Variants in L3MBTL4 observed in about 807,000 individuals in gnomAD.
The protein encoded by L3MBTL4 is lethal(3)malignant brain tumor-like protein 4.
L3MBTL4 carries 70 observed loss-of-function variants against 84.5 expected under a neutral mutation model. The ratio of observed to expected loss-of-function variants is 0.83; its 90% CI spans 0.68 to 1.01. The LOEUF is 1.01. Among genes scored for constraint, L3MBTL4 ranks in the 50% least tolerant of loss-of-function variants. L3MBTL4 has a pLI of 0.00. For synonymous variants in L3MBTL4, 274 were observed against 259.8 expected, an observed-to-expected ratio of 1.05 and a Z score of -0.52; for missense variants, 715 against 754.8, an observed-to-expected ratio of 0.95 and a Z score of 0.62.
At chr18:6,266,400 A>G (rs370886048) in intron 4 of L3MBTL4, among the ~76,000 whole-genome samples, 12 of 152,238 alleles carry the variant, frequency 7.9e-5, no homozygotes, top group Admixed American at 5.9e-4. Context: ...GAGAATACTC[A>G]TCAGAAAACG....
intron 1 of L3MBTL4, among the ~76,000 whole-genome samples, chr18:6,330,677 C>T (rs1415941164): frequency 2.0e-5 from 3 of 152,194 alleles, no homozygotes; most frequent in Non-Finnish European, 4.4e-5. Context: ...AGCAGGATAT[C>T]GACATCTTTG....
At chr18:6,062,110 A>G (rs1568050950) in intron 16 of L3MBTL4, among the ~76,000 whole-genome samples, 3 of 152,014 alleles carry the variant, frequency 2.0e-5, no homozygotes, top group South Asian at 4.1e-4. Flanking sequence ...TTTCTGACCC[A>G]TATAATTTTC....
intron 17 of L3MBTL4, among the ~76,000 whole-genome samples, chr18:5,964,052 G>A (rs946615454): frequency 6.6e-6 from 1 of 152,206 alleles, no homozygotes; most frequent in African/African-American, 2.4e-5. Flanking sequence ...TGGCATGGGG[G>A]CTGCCATGTG....
chr18:6,241,371 C>G lies in L3MBTL4; in HGVS notation c.539G>C (p.Arg180Thr). The stretch of plus-strand genomic sequence containing the variant: ...GAAAATACTTACAGGACTTCTGTTT[C>G]TGAATAATTTCTTTGGAGCATTTTG... ...KLQNAPKKLF[R>T]NRSPNGPMSK... is the part of the protein sequence containing the mutation. The change falls in exon 8 of 19, where the codon AGA (arginine) becomes ACA (threonine). Residue 180 changes from arginine (R) to threonine (T), a missense_variant. Transcript: ENST00000317931. The G allele has an allele frequency of 6.3e-7, 1 of 1,584,714 alleles. No individual in the cohort carries two copies.
At chr18:6,212,729 A>G (rs1340502364) in intron 12 of L3MBTL4, among the ~76,000 whole-genome samples, 4 of 152,266 alleles carry the variant, frequency 2.6e-5, no homozygotes, top group Admixed American at 2.6e-4. Context: ...AAGAACTGAC[A>G]GTAAAAGTCA....
intron 13 of L3MBTL4, among the ~76,000 whole-genome samples, chr18:6,166,121 A>G (rs1226354671): frequency 6.6e-6 from 1 of 151,114 alleles, no homozygotes; most frequent in Non-Finnish European, 1.5e-5. Context: ...TTCAACAAGA[A>G]GAGCTAACTA....
At chr18:6,247,846 A>G (rs886105357) in intron 5 of L3MBTL4, among the ~76,000 whole-genome samples, 1 of 151,654 alleles carries the variant, frequency 6.6e-6, no homozygotes, top group African/African-American at 2.4e-5. Flanking sequence ...GATTTGATTC[A>G]GGTGGTATAT....
chr18:6,321,863 C>A (rs893195688), intron 1 of L3MBTL4, among the ~76,000 whole-genome samples: 2 of 152,044 alleles, frequency 1.3e-5, no homozygotes, highest in Non-Finnish European at 1.5e-5. Flanking sequence ...CAAAGGCATA[C>A]TCTGTGGTAT....
intron 1 of L3MBTL4, among the ~76,000 whole-genome samples, chr18:6,368,150 A>G (rs1224405486): frequency 6.6e-6 from 1 of 151,980 alleles, no homozygotes; most frequent in Non-Finnish European, 1.5e-5. Flanking sequence ...TGGTAGCGCC[A>G]TCTTCCCTTC....
chr18:6,239,233 T>TG, intron 9 of L3MBTL4, among the ~76,000 whole-genome samples: 1 of 147,996 alleles, frequency 6.8e-6, no homozygotes, highest in South Asian at 2.1e-4. Context: ...CCCAGCTACT[T>TG]GGGAGGCTGA....
intron 10 of L3MBTL4, among the ~76,000 whole-genome samples, chr18:6,234,617 A>T (rs1414032908): frequency 6.6e-6 from 1 of 152,230 alleles, no homozygotes; most frequent in Non-Finnish European, 1.5e-5. Context: ...CCGCAATGAG[A>T]TGCCATCTCA....
At chr18:6,232,501 C>G (rs891496027) in intron 10 of L3MBTL4, among the ~76,000 whole-genome samples, 8 of 152,122 alleles carry the variant, frequency 5.3e-5, no homozygotes, top group Non-Finnish European at 7.4e-5. Context: ...ACTAGTCAAG[C>G]CTAGGGCTTT....
At chr18:6,047,081 C>T (rs1029998076) in intron 16 of L3MBTL4, among the ~76,000 whole-genome samples, 3 of 151,868 alleles carry the variant, frequency 2.0e-5, no homozygotes, top group African/African-American at 4.8e-5. Flanking sequence ...ACCAATCCCA[C>T]GGAAATAAAA....
At chr18:6,170,014 G>A (rs1568247040) in intron 13 of L3MBTL4, among the ~76,000 whole-genome samples, 1 of 151,780 alleles carries the variant, frequency 6.6e-6, no homozygotes, top group Non-Finnish European at 1.5e-5. Context: ...CATGCTACGG[G>A]GCAGGCAGTT....
intron 3 of L3MBTL4, among the ~76,000 whole-genome samples, chr18:6,309,669 G>A (rs940400508): frequency 2.6e-5 from 4 of 152,172 alleles, no homozygotes; most frequent in Non-Finnish European, 4.4e-5. Context: ...GATTAAGTTA[G>A]AAACTGAGTT....
At position 6,185,865 on chromosome 18, in the gene L3MBTL4, T is replaced by C. The variant is rs374976240; in HGVS notation, c.982-13923A>G. Among the ~76,000 whole-genome samples the C allele has an allele frequency of 1.3e-4, 20 of 152,212 alleles. No homozygotes were observed. The East Asian group carries it at 3.7e-3, about 28-fold the overall frequency. On this transcript the variant is annotated intron_variant, in intron 12 of 18. Coordinates refer to ENST00000317931, the MANE Select transcript of L3MBTL4 (RefSeq NM_001330559.2). ...ACATGTGAGAAATGACTATGCCAAGTTCAGCAAGGCAGCCACTGCAAGGGG... is the reference window on the plus strand; with the variant it reads ...ACATGTGAGAAATGACTATGCCAAGCTCAGCAAGGCAGCCACTGCAAGGGG...
intron 16 of L3MBTL4, among the ~76,000 whole-genome samples, chr18:6,007,051 A>T (rs2054520026): frequency 6.6e-6 from 1 of 152,224 alleles, no homozygotes; most frequent in South Asian, 2.1e-4. Context: ...CTATGTTATT[A>T]AATCCAAGAG....
chr18:6,298,363 T>C (rs969246510), intron 4 of L3MBTL4, among the ~76,000 whole-genome samples: 2 of 152,374 alleles, frequency 1.3e-5, no homozygotes, highest in South Asian at 2.1e-4. Context: ...TGCCTGTTTT[T>C]GGACTGAGAT....
At chr18:6,008,541 G>A (rs977402391) in intron 16 of L3MBTL4, among the ~76,000 whole-genome samples, 12 of 152,178 alleles carry the variant, frequency 7.9e-5, no homozygotes, top group East Asian at 5.8e-4. Flanking sequence ...CTAGGTGTGT[G>A]TGTGGAAGGA....
Sources: allele counts gnomAD v4.1 joint callset (sites outside exome capture counted in the v4.1 genomes callset), GRCh38; gene constraint gnomAD v4.1.1; transcripts MANE v1.5; gene names NCBI Gene and HGNC (gene_info 2026-07-23, HGNC 2026-07-21).